The following HPSE2 variants were observed in gnomAD, a reference collection of about 807,000 sequenced individuals.
HPSE2 encodes heparanase 2 (inactive).
A neutral mutation model predicts 60.5 loss-of-function variants in HPSE2; 38 were observed. The observed-to-expected ratio is 0.63, with a 90% CI of 0.48 to 0.82. HPSE2 has a LOEUF of 0.82. HPSE2 is among the 40% of genes least tolerant of loss of function. The pLI is 0.00. For missense variants in HPSE2, 713 were observed against 740.4 expected (o/e 0.96, Z 0.43); for synonymous variants, 295 against 293.2 (o/e 1.01, Z -0.06).
At chr10:98,910,709 T>C (rs1158185276) in intron 3 of HPSE2, among the ~76,000 whole-genome samples, 2 of 152,160 alleles carry the variant, frequency 1.3e-5, no homozygotes, top group African/African-American at 4.8e-5. Flanking sequence ...CTACATCACA[T>C]ACTGCATTTA....
intron 3 of HPSE2, among the ~76,000 whole-genome samples, chr10:98,793,140 G>A (rs1950695349): frequency 6.6e-6 from 1 of 152,164 alleles, no homozygotes; most frequent in African/African-American, 2.4e-5. Flanking sequence ...AAACAGTCAA[G>A]TTTGTATTTC....
At chr10:98,879,403 T>C (rs980227762) in intron 3 of HPSE2, among the ~76,000 whole-genome samples, 5 of 152,090 alleles carry the variant, frequency 3.3e-5, no homozygotes, top group Admixed American at 2.6e-4. Flanking sequence ...AATAAGCCTC[T>C]ATACACAATA....
chr10:99,282,737 T>C, the HPSE2 span, among the ~76,000 whole-genome samples: 140 of 152,232 alleles, frequency 9.2e-4, no homozygotes, highest in Non-Finnish European at 1.4e-3. Flanking sequence ...GGAAATTAAA[T>C]AGCACATGCT....
At chr10:98,776,595 T>C (rs886136721) in intron 3 of HPSE2, among the ~76,000 whole-genome samples, 1 of 152,126 alleles carries the variant, frequency 6.6e-6, no homozygotes, top group Non-Finnish European at 1.5e-5. Flanking sequence ...TAAGAAAACT[T>C]GCTTGCACTC....
At chr10:98,610,593 A>G (rs1464142677) in intron 9 of HPSE2, among the ~76,000 whole-genome samples, 1 of 152,238 alleles carries the variant, frequency 6.6e-6, no homozygotes, top group East Asian at 1.9e-4. Flanking sequence ...CAGGGAAAGT[A>G]GGCAAAAAAG....
At chr10:98,726,185 C>G (rs1466782458) in intron 4 of HPSE2, among the ~76,000 whole-genome samples, 1 of 152,070 alleles carries the variant, frequency 6.6e-6, no homozygotes, top group Non-Finnish European at 1.5e-5. Flanking sequence ...CACATGCACA[C>G]GTATGTTTAT....
chr10:98,680,447 ATG>A lies in HPSE2; in HGVS notation c.1004+13451_1004+13452del, dbSNP rs1947755295. Among the ~76,000 whole-genome samples the A allele has an allele frequency of 5.9e-5, 9 of 152,314 alleles. No homozygotes were observed. The South Asian group carries it at 1.9e-3, about 32-fold the overall frequency. On this transcript the variant is annotated intron_variant, in intron 6 of 11. Coordinates refer to ENST00000370552, the MANE Select transcript of HPSE2 (RefSeq NM_021828.5). ...TCTCATGGTTTGTATTGGAAAAACT[ATG>A]TTAACATTTGGACTGACTGTTTAAA... is the stretch of plus-strand genomic sequence containing the variant.
intron 3 of HPSE2, among the ~76,000 whole-genome samples, chr10:99,006,187 G>T (rs537857423): frequency 6.6e-6 from 1 of 152,166 alleles, no homozygotes; most frequent in South Asian, 2.1e-4. Flanking sequence ...TGAGTCCACA[G>T]GAGCTGGCTT....
the HPSE2 span, among the ~76,000 whole-genome samples, chr10:99,244,299 G>C: frequency 6.6e-6 from 1 of 151,836 alleles, no homozygotes; most frequent in East Asian, 1.9e-4. Flanking sequence ...TTACAAGCGT[G>C]AGCCACCACG....
chr10:98,841,996 C>T (rs1026063356), intron 3 of HPSE2, among the ~76,000 whole-genome samples: 8 of 152,056 alleles, frequency 5.3e-5, no homozygotes, highest in Non-Finnish European at 1.0e-4. Flanking sequence ...TTAGTAGAGA[C>T]GGGGTTTCAC....
At chr10:98,632,540 C>T (rs1237281414) in intron 7 of HPSE2, among the ~76,000 whole-genome samples, 1 of 152,184 alleles carries the variant, frequency 6.6e-6, no homozygotes, top group East Asian at 1.9e-4. Flanking sequence ...GACTCCCCAA[C>T]TATAATATTT....
At chr10:98,646,206 A>G (rs1226204364) in intron 6 of HPSE2, among the ~76,000 whole-genome samples, 1 of 152,154 alleles carries the variant, frequency 6.6e-6, no homozygotes, top group East Asian at 1.9e-4. Context: ...GATAGGTCCA[A>G]TATAAATATA....
intron 3 of HPSE2, among the ~76,000 whole-genome samples, chr10:98,778,150 T>C (rs1294611363): frequency 6.6e-6 from 1 of 151,660 alleles, no homozygotes; most frequent in Non-Finnish European, 1.5e-5. Flanking sequence ...GGTGGGTGCA[T>C]AACAAAACAC....
intron 3 of HPSE2, among the ~76,000 whole-genome samples, chr10:98,900,100 A>C (rs1367689602): frequency 1.3e-5 from 2 of 152,166 alleles, no homozygotes; most frequent in East Asian, 3.8e-4. Context: ...CAAAAGGAAT[A>C]AAAGCATATG....
chr10:98,532,297 A>G (rs117073694), intron 9 of HPSE2, among the ~76,000 whole-genome samples: 133 of 152,332 alleles, frequency 8.7e-4, no homozygotes, highest in Non-Finnish European at 1.6e-3. Flanking sequence ...ATCAGATCCT[A>G]CAACACAAAG....
At chr10:98,471,550 A>G (rs972310448) in intron 11 of HPSE2, among the ~76,000 whole-genome samples, 10 of 152,048 alleles carry the variant, frequency 6.6e-5, no homozygotes, top group African/African-American at 2.4e-4. Context: ...TTTTTTTTTA[A>G]CCTAAAAGGA....
intron 3 of HPSE2, among the ~76,000 whole-genome samples, chr10:98,907,919 CA>C (rs1953868948): frequency 6.6e-6 from 1 of 152,158 alleles, no homozygotes. Context: ...AAATCTCTTT[CA>C]CCATTGTAGT....
chr10:98,491,379 G>A (rs943268137), intron 9 of HPSE2, among the ~76,000 whole-genome samples: 4 of 152,016 alleles, frequency 2.6e-5, no homozygotes, highest in African/African-American at 9.7e-5. Context: ...AATTTTAAGT[G>A]GCCTTAGGAT....
chr10:99,201,903 C>T (rs569787287), intron 2 of HPSE2, among the ~76,000 whole-genome samples: 7 of 152,262 alleles, frequency 4.6e-5, no homozygotes, highest in African/African-American at 1.4e-4. Flanking sequence ...ATGAACACGA[C>T]GCCATACTCC....
Sources: allele counts gnomAD v4.1 joint callset (sites outside exome capture counted in the v4.1 genomes callset), GRCh38; gene constraint gnomAD v4.1.1; transcripts MANE v1.5; gene names NCBI Gene and HGNC (gene_info 2026-07-23, HGNC 2026-07-21).